Variants in WWOX observed in about 807,000 individuals in gnomAD.
WWOX encodes the protein WW domain containing oxidoreductase.
A neutral mutation model predicts 46.2 loss-of-function variants in WWOX; 69 were observed. The observed-to-expected ratio is 1.49, with a 90% CI of 1.23 to 1.82. The LOEUF (loss-of-function observed/expected upper bound fraction) is 1.82. Among genes scored for constraint, WWOX ranks in the 40% most tolerant of loss-of-function variants. The probability of loss-of-function intolerance (pLI) is 0.00; values close to 1 mark genes in which losing one functional copy is unlikely to be tolerated. For synonymous variants in WWOX, 359 were observed against 202.6 expected (o/e 1.77, Z -6.56); for missense variants, 919 against 542.6 (o/e 1.69, Z -6.89).
chr16:78,354,185 T>G (rs532920885), intron 5 of WWOX, among the ~76,000 whole-genome samples: 192 of 152,322 alleles, frequency 1.3e-3, no homozygotes, highest in Non-Finnish European at 2.2e-3. Context: ...ACCTTCTGTT[T>G]GTAAACATCT....
intron 8 of WWOX, among the ~76,000 whole-genome samples, chr16:78,618,521 C>A (rs2046086657): frequency 6.6e-6 from 1 of 152,056 alleles, no homozygotes; most frequent in African/African-American, 2.4e-5. Flanking sequence ...TTAGGGTCCA[C>A]CATATAATGA....
At chr16:78,355,031 C>G (rs533420673) in intron 5 of WWOX, among the ~76,000 whole-genome samples, 1 of 152,092 alleles carries the variant, frequency 6.6e-6, no homozygotes, top group East Asian at 1.9e-4. Context: ...ACTTGGGAGG[C>G]TGAGGCAGGC....
intron 8 of WWOX, among the ~76,000 whole-genome samples, chr16:78,697,013 A>G (rs2048114594): frequency 2.0e-5 from 3 of 152,334 alleles, no homozygotes; most frequent in South Asian, 2.1e-4. Context: ...TTCATGGCTG[A>G]GTAGTATTCC....
rs78073742 is a variant in WWOX, at chr16:78,852,171, G to C, written c.1057-359437G>C. ...ACTTAAGAGCATGGCACTGTCTAGAGAAAGGGAGATGAGCTTCTGTGGTAG... is the reference window on the plus strand; with the variant it reads ...ACTTAAGAGCATGGCACTGTCTAGACAAAGGGAGATGAGCTTCTGTGGTAG... On this transcript the variant is annotated intron_variant, in intron 8 of 8. Transcript: ENST00000566780. Among the ~76,000 whole-genome samples, 5 of 152,268 alleles carry C rather than the reference G, an allele frequency of 3.3e-5. No individual in the cohort carries two copies. In the East Asian group the frequency reaches 7.7e-4, roughly 24 times the overall value.
chr16:78,927,326 G>T (rs1010012005), intron 8 of WWOX, among the ~76,000 whole-genome samples: 2 of 152,206 alleles, frequency 1.3e-5, no homozygotes, highest in African/African-American at 4.8e-5. Context: ...TTATCCTGGT[G>T]ACCTTAGGCA....
At chr16:78,178,296 T>A (rs1332288353) in intron 5 of WWOX, among the ~76,000 whole-genome samples, 1 of 152,194 alleles carries the variant, frequency 6.6e-6, no homozygotes, top group Non-Finnish European at 1.5e-5. Flanking sequence ...TTTAAGTTGT[T>A]GCTGTTTTCA....
chr16:78,151,794 C>G (rs760827582), intron 4 of WWOX, among the ~76,000 whole-genome samples: 1 of 152,200 alleles, frequency 6.6e-6, no homozygotes, highest in Non-Finnish European at 1.5e-5. Context: ...TTTCCTGCCC[C>G]CAACCGGTAA....
chr16:78,605,911 A>T (rs1046772529), intron 8 of WWOX, among the ~76,000 whole-genome samples: 2 of 152,212 alleles, frequency 1.3e-5, no homozygotes, highest in African/African-American at 4.8e-5. Context: ...TACCTCTTGC[A>T]TGGAGCAAGA....
At chr16:78,751,904 A>G (rs931269526) in intron 8 of WWOX, among the ~76,000 whole-genome samples, 2 of 152,176 alleles carry the variant, frequency 1.3e-5, no homozygotes, top group African/African-American at 4.8e-5. Flanking sequence ...CAGAGTGGTC[A>G]CCCAGATGAA....
intron 8 of WWOX, among the ~76,000 whole-genome samples, chr16:79,096,956 GGCCAGGAAGAA>G (rs2049088050): frequency 6.6e-6 from 1 of 152,050 alleles, no homozygotes. Context: ...TTGGGGAGGG[GGCCAGGAAGAA>G]GCCAGGAAGG....
rs145420884 is a variant in WWOX at position 79,104,149 on chromosome 16, A to G, written c.1057-107459A>G. 9.4e-3 allele frequency among the ~76,000 whole-genome samples: 1,422 copies of G among 151,864 alleles called. 22 individuals carry two copies. Among genetic ancestry groups the G allele is most frequent in the African/African-American group, 0.033 (1,350 of 41,416 alleles). ...TCTAAAGCTGGAATCAAAAAGATTC[A>G]CAACCCCACAAATAGGTGAACTACT... On this transcript the variant is annotated intron_variant, in intron 8 of 8. Coordinates refer to ENST00000566780, the MANE Select transcript of WWOX (RefSeq NM_016373.4).
At chr16:78,784,713 G>C (rs2050412416) in intron 8 of WWOX, among the ~76,000 whole-genome samples, 1 of 152,182 alleles carries the variant, frequency 6.6e-6, no homozygotes, top group Non-Finnish European at 1.5e-5. Context: ...CCCCCAGTCA[G>C]GTGGTTGATG....
intron 8 of WWOX, among the ~76,000 whole-genome samples, chr16:78,790,256 T>G (rs540290131): frequency 6.6e-6 from 1 of 152,274 alleles, no homozygotes; most frequent in African/African-American, 2.4e-5. Context: ...TGCCTCAGCC[T>G]CCCTAGTAGC....
chr16:78,403,578 C>T (rs1331927383), intron 6 of WWOX, among the ~76,000 whole-genome samples: 2 of 152,054 alleles, frequency 1.3e-5, no homozygotes, highest in Non-Finnish European at 1.5e-5. Flanking sequence ...GGGTAAAATG[C>T]TTTGAGGGTT....
At chr16:79,077,469 T>A (rs1187612762) in intron 8 of WWOX, 2 of 152,112 alleles carry the variant, frequency 1.3e-5, no homozygotes, top group East Asian at 3.9e-4. Flanking sequence ...AAATGGCCTT[T>A]TAAAATACAG....
chr16:78,740,634 G>A (rs1168764790), intron 8 of WWOX, among the ~76,000 whole-genome samples: 1 of 152,120 alleles, frequency 6.6e-6, no homozygotes, highest in Non-Finnish European at 1.5e-5. Context: ...GCTGGAAGGG[G>A]ACTTGGTGAA....
At chr16:78,774,842 T>C (rs181109365) in intron 8 of WWOX, among the ~76,000 whole-genome samples, 3 of 152,174 alleles carry the variant, frequency 2.0e-5, no homozygotes, top group Admixed American at 6.5e-5. Context: ...ACATGCCCAT[T>C]CTGCAAGTCC....
chr16:78,530,940 T>A (rs898656608), intron 8 of WWOX, among the ~76,000 whole-genome samples: 15 of 152,190 alleles, frequency 9.9e-5, no homozygotes, highest in African/African-American at 3.6e-4. Flanking sequence ...TTTCACTTAG[T>A]TGAGGGATGA....
intron 8 of WWOX, among the ~76,000 whole-genome samples, chr16:78,550,464 G>T (rs1234910075): frequency 9.2e-5 from 14 of 152,222 alleles, no homozygotes; most frequent in African/African-American, 3.1e-4. Flanking sequence ...GATTTAGCTT[G>T]TGGGTTGTAG....
Sources: gnomAD v4.1 joint callset for allele counts (sites outside exome capture counted in the v4.1 genomes callset) on GRCh38, gnomAD v4.1.1 for gene constraint, MANE v1.5 for transcripts, NCBI Gene and HGNC (gene_info 2026-07-23, HGNC 2026-07-21) for gene names.